The following DISC1 variants were observed in gnomAD, a reference collection of about 807,000 sequenced individuals.
The protein encoded by DISC1 is disrupted in schizophrenia 1 protein.
Under a neutral mutation model 84.5 loss-of-function variants are expected in DISC1, and 57 were observed. The observed-to-expected ratio is 0.67, with a 90% CI of 0.55 to 0.84. DISC1 has a LOEUF of 0.84. DISC1 is among the 40% of genes least tolerant of loss of function. The pLI, the probability that DISC1 is intolerant of heterozygous loss-of-function variation, is 0.00. For synonymous variants in DISC1, 411 were observed against 415.2 expected, an observed-to-expected ratio of 0.99 and a Z score of 0.12; for missense variants, 1,000 against 1,057.8, an observed-to-expected ratio of 0.95 and a Z score of 0.76.
intron 8 of DISC1, among the ~76,000 whole-genome samples, chr1:231,806,689 C>G (rs1202860329): frequency 6.6e-6 from 1 of 152,194 alleles, no homozygotes; most frequent in Non-Finnish European, 1.5e-5. Context: ...CAGCCCCAGA[C>G]CCACCTTGCT....
chr1:232,031,535 A>G lies in DISC1; in HGVS notation c.2425+4983A>G, dbSNP rs1047913675. Among the ~76,000 whole-genome samples the G allele has an allele frequency of 2.6e-5, 4 of 152,132 alleles. No homozygotes were observed. The highest frequency in any genetic ancestry group is 9.7e-5 in the African/African-American group (4 of 41,430). On this transcript the variant is annotated intron_variant, in intron 12 of 12. Coordinates refer to ENST00000439617, the MANE Select transcript of DISC1 (RefSeq NM_018662.3). The surrounding 1 kb of genome is among the most constrained non-coding windows in gnomAD (Gnocchi z 4.6). ...GGAAAGAAAGAAAAGGAAAGGAAAG[A>G]AAGAAAACCCAGAGCCTAAGATGAC...
chr1:231,878,741 C>A (rs1403399055), intron 9 of DISC1, among the ~76,000 whole-genome samples: 1 of 152,082 alleles, frequency 6.6e-6, no homozygotes, highest in Non-Finnish European at 1.5e-5. Context: ...AATCAACAAG[C>A]AGAACATTAT....
intron 9 of DISC1, among the ~76,000 whole-genome samples, chr1:231,943,030 G>C (rs1044391167): frequency 3.3e-5 from 5 of 152,208 alleles, no homozygotes; most frequent in Non-Finnish European, 7.3e-5. Flanking sequence ...TGTGGATATC[G>C]GTAAAAGCAG....
chr1:231,984,151 T>C (rs1411536005), intron 10 of DISC1, among the ~76,000 whole-genome samples: 2 of 152,214 alleles, frequency 1.3e-5, no homozygotes, highest in Non-Finnish European at 2.9e-5. Flanking sequence ...GATAAATACT[T>C]AAAATAACTT....
rs115219288 is a variant in DISC1, at chr1:231,655,891, A to G, written c.67+28957A>G. On this transcript the variant is annotated intron_variant, in intron 1 of 12. Transcript: ENST00000439617. ...TTTCGTATGTTTCTTGGCCATTTGTATATGTTATTTTGAGAAATGTATATT... is the reference window on the plus strand; with the variant it reads ...TTTCGTATGTTTCTTGGCCATTTGTGTATGTTATTTTGAGAAATGTATATT... Among the ~76,000 whole-genome samples, 407 of 152,112 alleles carry G rather than the reference A, an allele frequency of 2.7e-3. 2 individuals are homozygous for G. The highest frequency in any genetic ancestry group is 4.7e-3 in the Non-Finnish European group (321 of 67,970).
At chr1:231,858,566 T>C (rs1404185235) in intron 9 of DISC1, among the ~76,000 whole-genome samples, 8 of 152,222 alleles carry the variant, frequency 5.3e-5, no homozygotes, top group Non-Finnish European at 1.2e-4. Flanking sequence ...CCCTACTCTT[T>C]CTCAACCTTC....
chr1:231,940,473 T>G, intron 9 of DISC1, among the ~76,000 whole-genome samples: 1 of 152,220 alleles, frequency 6.6e-6, no homozygotes, highest in East Asian at 1.9e-4. Context: ...AGGACCCAAT[T>G]TTTGAAAATT....
At chr1:231,869,997 T>C (rs960559310) in intron 9 of DISC1, among the ~76,000 whole-genome samples, 2 of 152,196 alleles carry the variant, frequency 1.3e-5, no homozygotes, top group African/African-American at 4.8e-5. Flanking sequence ...GCAAAGGGAC[T>C]ACCTCTGGGG....
intron 3 of DISC1, among the ~76,000 whole-genome samples, chr1:231,713,734 TAC>T (rs376282282): frequency 0.021 from 2,052 of 98,618 alleles, 73 homozygotes; most frequent in African/African-American, 0.064. Context: ...AGGAGATATA[TAC>T]ATATATATAG....
At chr1:231,881,692 T>G (rs2086301968) in intron 9 of DISC1, among the ~76,000 whole-genome samples, 1 of 152,140 alleles carries the variant, frequency 6.6e-6, no homozygotes, top group African/African-American at 2.4e-5. Flanking sequence ...CACCATGCAC[T>G]GGGGCAGGTG....
At chr1:231,896,268 C>T (rs2087681577) in intron 9 of DISC1, among the ~76,000 whole-genome samples, 1 of 152,124 alleles carries the variant, frequency 6.6e-6, no homozygotes, top group African/African-American at 2.4e-5. Context: ...TACATTTTCC[C>T]TGAACTTGGG....
intron 12 of DISC1, among the ~76,000 whole-genome samples, chr1:232,032,511 G>A (rs1399593029): frequency 6.6e-6 from 1 of 152,150 alleles, no homozygotes; most frequent in Admixed American, 6.5e-5. Context: ...ATTCCAAGGA[G>A]GTACAGAATG....
At chr1:231,845,319 G>A (rs1170728519) in intron 9 of DISC1, among the ~76,000 whole-genome samples, 1 of 152,208 alleles carries the variant, frequency 6.6e-6, no homozygotes, top group African/African-American at 2.4e-5. Context: ...GCTCTGGACC[G>A]GGTTTGGCTG....
At chr1:231,962,423 CT>C (rs1475905237) in intron 10 of DISC1, among the ~76,000 whole-genome samples, 1 of 152,056 alleles carries the variant, frequency 6.6e-6, no homozygotes, top group African/African-American at 2.4e-5. Context: ...GTTGCAACTG[CT>C]TTTGAGGATG....
At chr1:231,765,219 A>T (rs2076081983) in intron 4 of DISC1, among the ~76,000 whole-genome samples, 1 of 120,380 alleles carries the variant, frequency 8.3e-6, no homozygotes, top group South Asian at 2.7e-4. Context: ...AAAAAAAAAA[A>T]CTTTGGATAA....
Position 231,771,033 on chromosome 1 carries a change from A to T in DISC1, c.1597A>T (p.Ile533Phe). ...GGACACCCTGGCCTCAGCCGGTCAG[A>T]TTCCCTTCCATGCAGAGCCACCGGA... ...LQDTLASAGQ[I>F]PFHAEPPETI... is the part of the protein sequence containing the mutation. The change falls in exon 6 of 13, where the codon ATT (isoleucine) becomes TTT (phenylalanine). Residue 533 changes from isoleucine (I) to phenylalanine (F), a missense_variant. Physicochemically the swap from Ile to Phe is conservative, Grantham distance 21 (BLOSUM62 0). Transcript: ENST00000439617. 4.3e-6 allele frequency: 7 copies of T among 1,610,052 alleles called. No homozygotes were observed. Among genetic ancestry groups the T allele is most frequent in the Non-Finnish European group, 5.9e-6 (7 of 1,178,026 alleles).
At chr1:231,788,119 C>G (rs1474956214) in intron 6 of DISC1, among the ~76,000 whole-genome samples, 1 of 152,102 alleles carries the variant, frequency 6.6e-6, no homozygotes, top group Admixed American at 6.5e-5. Context: ...CCCATTTCTA[C>G]TAAAAATACC....
chr1:231,886,766 C>T (rs4999713), intron 9 of DISC1, among the ~76,000 whole-genome samples: 4,275 of 84,162 alleles, frequency 0.051, 250 homozygotes, highest in Middle Eastern at 0.11. Context: ...TTCCTTCCTT[C>T]CTTTCTTTCT....
In DISC1 at chr1:231,818,526, T is replaced by C; in HGVS notation, c.1981+9T>C. 1 of 1,613,966 alleles carries C rather than the reference T, an allele frequency of 6.2e-7. No individual in the cohort carries two copies. Among genetic ancestry groups the C allele is most frequent in the South Asian group, 1.1e-5 (1 of 91,070 alleles). On this transcript the variant is annotated intron_variant, in intron 9 of 12. Coordinates refer to ENST00000439617, the MANE Select transcript of DISC1 (RefSeq NM_018662.3). Reference sequence around the variant, plus strand: ...CCAGGAGACTGCCTATGGTAGGTAGTGCACAACTGTTCCCCGGCAAGATAT... The same window carrying C: ...CCAGGAGACTGCCTATGGTAGGTAGCGCACAACTGTTCCCCGGCAAGATAT...
Sources: allele counts gnomAD v4.1 joint callset (sites outside exome capture counted in the v4.1 genomes callset), GRCh38; gene constraint gnomAD v4.1.1; non-coding constraint Gnocchi (gnomAD v3.1); transcripts MANE v1.5; gene names NCBI Gene and HGNC (gene_info 2026-07-23, HGNC 2026-07-21).